Variants in GSE1 observed in about 807,000 individuals in gnomAD.
GSE1 encodes the protein genetic suppressor element 1.
A neutral mutation model predicts 112.6 loss-of-function variants in GSE1; 32 were observed. The ratio of observed to expected loss-of-function variants is 0.28; its 90% CI spans 0.21 to 0.38. The LOEUF (loss-of-function observed/expected upper bound fraction) is 0.38, where lower values mean the gene tolerates loss of function less well. Ranked by LOEUF, GSE1 falls within the 10% of genes least tolerant of loss-of-function variation. The pLI, the probability that GSE1 is intolerant of heterozygous loss-of-function variation, is 1.00. For synonymous variants in GSE1, 1,115 were observed against 735.6 expected (o/e 1.52, Z -8.35); for missense variants, 2,348 against 1,699.2 (o/e 1.38, Z -6.71).
At chr16:85,500,618 C>T (rs1405111169) in intron 2 of GSE1, among the ~76,000 whole-genome samples, 1 of 152,234 alleles carries the variant, frequency 6.6e-6, no homozygotes, top group Non-Finnish European at 1.5e-5. Context: ...TGTGCCAGGG[C>T]ATCGGCCAGC....
chr16:85,516,345 C>T (rs991618640), intron 2 of GSE1, among the ~76,000 whole-genome samples: 1 of 131,880 alleles, frequency 7.6e-6, no homozygotes, highest in Non-Finnish European at 1.6e-5. Flanking sequence ...TTCAAGGGGG[C>T]GGTGGGCGGG....
intron 1 of GSE1, among the ~76,000 whole-genome samples, chr16:85,604,925 C>T (rs2047633932): frequency 7.8e-6 from 1 of 128,762 alleles, no homozygotes; most frequent in Admixed American, 8.4e-5. Context: ...TCACGCCATT[C>T]TCCTGCCTCA....
intron 14 of GSE1, among the ~76,000 whole-genome samples, chr16:85,668,842 G>A (rs2053097948): frequency 6.6e-6 from 1 of 152,250 alleles, no homozygotes; most frequent in Non-Finnish European, 1.5e-5. Context: ...ACACTGCAAG[G>A]ATTGCTCTGT....
chr16:85,222,062 G>T (rs1351878303), intron 1 of GSE1, among the ~76,000 whole-genome samples: 1 of 152,186 alleles, frequency 6.6e-6, no homozygotes, highest in Non-Finnish European at 1.5e-5. Context: ...CGCAGGCCCA[G>T]GGCCTGGGGA....
intron 2 of GSE1, among the ~76,000 whole-genome samples, chr16:85,513,508 A>C (rs1487975222): frequency 1.3e-5 from 2 of 151,806 alleles, no homozygotes; most frequent in African/African-American, 4.8e-5. Context: ...CACGCACCCA[A>C]CGTCCTCTCT....
At chr16:85,255,413 T>C (rs1000006062) in intron 1 of GSE1, among the ~76,000 whole-genome samples, 5 of 118,098 alleles carry the variant, frequency 4.2e-5, no homozygotes, top group African/African-American at 2.3e-4. Context: ...CAGTGCCTAC[T>C]TTTTTTTTTT....
At chr16:85,364,936 T>C (rs2047157155) in intron 2 of GSE1, among the ~76,000 whole-genome samples, 1 of 152,212 alleles carries the variant, frequency 6.6e-6, no homozygotes, top group Non-Finnish European at 1.5e-5. Flanking sequence ...CACTTCTACA[T>C]GCTCTCCCTG....
At chr16:85,496,661 A>G (rs781232374) in intron 2 of GSE1, among the ~76,000 whole-genome samples, 85 of 152,184 alleles carry the variant, frequency 5.6e-4, no homozygotes, top group South Asian at 1.9e-3. Flanking sequence ...CACGACATAT[A>G]GAGAGCGCTC....
intron 1 of GSE1, among the ~76,000 whole-genome samples, chr16:85,225,458 G>A (rs1163428422): frequency 6.6e-6 from 1 of 152,188 alleles, no homozygotes; most frequent in Non-Finnish European, 1.5e-5. Flanking sequence ...TTTGTGGGGG[G>A]TAGGGATTCA....
intron 2 of GSE1, among the ~76,000 whole-genome samples, chr16:85,471,035 C>A (rs147852169): frequency 2.0e-5 from 3 of 152,336 alleles, no homozygotes; most frequent in Non-Finnish European, 4.4e-5. Flanking sequence ...TACTGCCACC[C>A]CAGAGCAGGA....
intron 1 of GSE1, among the ~76,000 whole-genome samples, chr16:85,630,548 C>T (rs553606868): frequency 3.3e-5 from 5 of 152,316 alleles, no homozygotes; most frequent in African/African-American, 1.2e-4. Context: ...AACTCCTGGC[C>T]TCACGCAGTC....
intron 2 of GSE1, among the ~76,000 whole-genome samples, chr16:85,374,660 C>T (rs539150430): frequency 1.3e-5 from 2 of 152,128 alleles, no homozygotes; most frequent in South Asian, 4.1e-4. Flanking sequence ...ATAGCTTTGG[C>T]AGCCAGCCAG....
At chr16:85,189,677 C>T (rs1202947128) in intron 1 of GSE1, among the ~76,000 whole-genome samples, 1 of 152,162 alleles carries the variant, frequency 6.6e-6, no homozygotes, top group Non-Finnish European at 1.5e-5. Context: ...GAAACTTGGC[C>T]AATGTCTTGA....
In GSE1 at chr16:85,663,134, C is replaced by T. The variant is rs748412575; in HGVS notation, c.2373+41C>T. On this transcript the variant is annotated intron_variant, in intron 10 of 15. Coordinates refer to ENST00000253458, the MANE Select transcript of GSE1 (RefSeq NM_014615.5). ...CCCCACGGACATGCTCTGGGCTGGGCTCTCGTTCCTAGCGTCCACACCCTG... is the reference window on the plus strand; with the variant it reads ...CCCCACGGACATGCTCTGGGCTGGGTTCTCGTTCCTAGCGTCCACACCCTG... 2.7e-5 allele frequency: 38 copies of T among 1,413,858 alleles called. No homozygotes were observed. In the East Asian group the frequency reaches 3.9e-4, roughly 14 times the overall value. The allele number at this position is 1,413,858 out of a possible 1,614,324, so 87.6% of individuals were successfully genotyped here. A position where few individuals can be genotyped will look rare whatever the true frequency, so the allele number is the denominator to read the frequency against.
chr16:85,323,639 C>T (rs972561019), intron 1 of GSE1, among the ~76,000 whole-genome samples: 2 of 152,182 alleles, frequency 1.3e-5, no homozygotes, highest in African/African-American at 4.8e-5. Context: ...AGGCTCTGCC[C>T]AGTGACTGCC....
At chr16:85,445,326 C>T (rs918264463) in intron 2 of GSE1, among the ~76,000 whole-genome samples, 2 of 152,216 alleles carry the variant, frequency 1.3e-5, no homozygotes, top group South Asian at 2.1e-4. Flanking sequence ...CCTGCTCCAG[C>T]GAACCCCCCC....
At chr16:85,514,121 T>C (rs956724443) in intron 2 of GSE1, among the ~76,000 whole-genome samples, 11 of 151,326 alleles carry the variant, frequency 7.3e-5, no homozygotes, top group African/African-American at 2.7e-4. Flanking sequence ...CCTGCCTCCT[T>C]CTGGAAGAAC....
At chr16:85,384,610 G>C (rs1240278049) in intron 2 of GSE1, among the ~76,000 whole-genome samples, 1 of 152,184 alleles carries the variant, frequency 6.6e-6, no homozygotes, top group Non-Finnish European at 1.5e-5. Flanking sequence ...TCTCCTGCAA[G>C]CTGGGACCTG....
At chr16:85,498,005 C>T (rs1020957570) in intron 2 of GSE1, among the ~76,000 whole-genome samples, 3 of 152,018 alleles carry the variant, frequency 2.0e-5, no homozygotes, top group African/African-American at 7.2e-5. Context: ...ACGCCCTGAC[C>T]ACCGTGCCTG....
Sources: gnomAD v4.1 joint callset for allele counts (sites outside exome capture counted in the v4.1 genomes callset) on GRCh38, gnomAD v4.1.1 for gene constraint, MANE v1.5 for transcripts, NCBI Gene and HGNC (gene_info 2026-07-23, HGNC 2026-07-21) for gene names.